The following SNX29 variants were observed in gnomAD, a reference collection of about 807,000 sequenced individuals.
SNX29 encodes sorting nexin 29.
Under a neutral mutation model 102.1 loss-of-function variants are expected in SNX29, and 78 were observed. That is an observed-to-expected ratio of 0.76 (90% CI 0.64 to 0.92). The LOEUF (loss-of-function observed/expected upper bound fraction) is 0.92, where lower values mean the gene tolerates loss of function less well. Among genes scored for constraint, SNX29 ranks in the 40% least tolerant of loss-of-function variants. SNX29 has a pLI of 0.00. For synonymous variants in SNX29, 580 were observed against 414.5 expected (o/e 1.40, Z -4.85); for missense variants, 1,280 against 1,061.7 (o/e 1.21, Z -2.86).
intron 13 of SNX29, among the ~76,000 whole-genome samples, chr16:12,145,867 T>C (rs2141544191): frequency 6.6e-6 from 1 of 152,386 alleles, no homozygotes; most frequent in East Asian, 1.9e-4. Flanking sequence ...GTAGGATTAG[T>C]ATTTCTATGA....
At chr16:12,116,980 A>G (rs533361716) in intron 11 of SNX29, among the ~76,000 whole-genome samples, 10 of 151,656 alleles carry the variant, frequency 6.6e-5, no homozygotes, top group Admixed American at 5.9e-4. Context: ...TTCAATGCGG[A>G]TGAACCATGG....
intron 15 of SNX29, among the ~76,000 whole-genome samples, chr16:12,299,782 T>G (rs2080104370): frequency 7.8e-6 from 1 of 127,948 alleles, no homozygotes; most frequent in Non-Finnish European, 1.5e-5. Context: ...ATTTCGAATT[T>G]TTTTTTTTTT....
chr16:12,395,251 C>T (rs1247996845), intron 16 of SNX29, among the ~76,000 whole-genome samples: 4 of 152,186 alleles, frequency 2.6e-5, no homozygotes, highest in Admixed American at 6.5e-5. Flanking sequence ...CAGAGTTCCA[C>T]GCTGGCACTG....
intron 13 of SNX29, among the ~76,000 whole-genome samples, chr16:12,134,620 C>T (rs978623087): frequency 6.6e-6 from 1 of 152,212 alleles, no homozygotes; most frequent in African/African-American, 2.4e-5. Flanking sequence ...ATGTTTTTAA[C>T]AACTTGGCCT....
intron 14 of SNX29, among the ~76,000 whole-genome samples, chr16:12,210,511 C>T (rs974953395): frequency 4.0e-5 from 6 of 150,290 alleles, no homozygotes; most frequent in Admixed American, 1.3e-4. Flanking sequence ...GAAGTCTTGC[C>T]TGAGAATGGA....
At chr16:12,467,600 G>C (rs1038399014) in intron 18 of SNX29, among the ~76,000 whole-genome samples, 1 of 144,324 alleles carries the variant, frequency 6.9e-6, no homozygotes, top group African/African-American at 2.8e-5. Flanking sequence ...TCGTTCATTC[G>C]TTTGTTCGTT....
At chr16:12,493,592 G>A (rs1357035913) in intron 19 of SNX29, among the ~76,000 whole-genome samples, 4 of 152,170 alleles carry the variant, frequency 2.6e-5, no homozygotes, top group Non-Finnish European at 5.9e-5. Context: ...AGTGGTGAGA[G>A]AGGGCGTTGT....
intron 14 of SNX29, among the ~76,000 whole-genome samples, chr16:12,246,732 G>A (rs2078270778): frequency 6.6e-6 from 1 of 152,172 alleles, no homozygotes; most frequent in African/African-American, 2.4e-5. Context: ...GCACAGAAGG[G>A]CCAATTGGTG....
intron 16 of SNX29, among the ~76,000 whole-genome samples, chr16:12,393,174 C>CT (rs757146731): frequency 1.3e-4 from 20 of 152,140 alleles, no homozygotes; most frequent in Non-Finnish European, 2.2e-4. Flanking sequence ...AGGTTTGCTG[C>CT]CTCCATAGGA....
chr16:12,318,311 G>T (rs928743241), intron 15 of SNX29, among the ~76,000 whole-genome samples: 15 of 152,214 alleles, frequency 9.9e-5, no homozygotes, highest in Non-Finnish European at 2.2e-4. Context: ...CTGCCCAGAG[G>T]CCCCTTTGGC....
intron 9 of SNX29, among the ~76,000 whole-genome samples, chr16:12,062,561 T>C (rs188585087): frequency 6.3e-4 from 96 of 151,722 alleles, no homozygotes; most frequent in African/African-American, 2.1e-3. Flanking sequence ...TGCAGTGTAA[T>C]GCAGCTGGCA....
At chr16:12,537,476 A>G (rs968914256) in intron 20 of SNX29, among the ~76,000 whole-genome samples, 4 of 148,884 alleles carry the variant, frequency 2.7e-5, no homozygotes, top group Admixed American at 6.7e-5. Flanking sequence ...CCTCATCTAT[A>G]AAATTGGTGA....
chr16:12,229,826 A>C (rs2077718696), intron 14 of SNX29, among the ~76,000 whole-genome samples: 2 of 152,182 alleles, frequency 1.3e-5, no homozygotes, highest in Non-Finnish European at 2.9e-5. Context: ...GCTTGGACCT[A>C]GATCACTCAG....
In SNX29 at chr16:12,304,942, A is replaced by C. The variant is rs574951710; in HGVS notation, c.1782+26906A>C. Among the ~76,000 whole-genome samples, 507 of 152,302 alleles carry C rather than the reference A, an allele frequency of 3.3e-3. 1 individual carries two copies. The highest frequency in any genetic ancestry group is 6.0e-3 in the Non-Finnish European group (406 of 68,024). ...TCTATTTCAGCTGTGCATGTTACTA[A>C]TTTTCCAAGAATGAGAATATAATTA... is the stretch of plus-strand genomic sequence containing the variant. On this transcript the variant is annotated intron_variant, in intron 15 of 20. Coordinates refer to ENST00000566228, the MANE Select transcript of SNX29 (RefSeq NM_032167.5).
intron 15 of SNX29, among the ~76,000 whole-genome samples, chr16:12,290,216 C>A (rs562084876): frequency 3.7e-4 from 56 of 152,148 alleles, no homozygotes; most frequent in Non-Finnish European, 7.1e-4. Flanking sequence ...TATACTCTTG[C>A]CTTCCTCTTC....
intron 19 of SNX29, among the ~76,000 whole-genome samples, chr16:12,507,810 A>G (rs2089444512): frequency 6.6e-6 from 1 of 152,154 alleles, no homozygotes; most frequent in Non-Finnish European, 1.5e-5. Flanking sequence ...GGTTTGCATT[A>G]AACTCAAAGG....
chr16:12,174,617 C>T (rs898502799), intron 13 of SNX29, among the ~76,000 whole-genome samples: 1 of 152,140 alleles, frequency 6.6e-6, no homozygotes, highest in Non-Finnish European at 1.5e-5. Context: ...CCTCTTGTGG[C>T]GTTCACCAGT....
intron 13 of SNX29, among the ~76,000 whole-genome samples, chr16:12,175,505 G>T (rs1367374341): frequency 6.6e-6 from 1 of 152,032 alleles, no homozygotes; most frequent in Non-Finnish European, 1.5e-5. Flanking sequence ...CAAAAAATTA[G>T]CCAGGGATGG....
intron 18 of SNX29, among the ~76,000 whole-genome samples, chr16:12,462,979 T>G (rs2086874581): frequency 6.6e-6 from 1 of 152,168 alleles, no homozygotes; most frequent in African/African-American, 2.4e-5. Flanking sequence ...TGCCGGAAAT[T>G]AGCTCCCATA....
Sources: allele counts gnomAD v4.1 joint callset (sites outside exome capture counted in the v4.1 genomes callset), GRCh38; gene constraint gnomAD v4.1.1; transcripts MANE v1.5; gene names NCBI Gene and HGNC (gene_info 2026-07-23, HGNC 2026-07-21).